Variants in ILRUN observed in about 807,000 individuals in gnomAD.
ILRUN encodes the protein inflammation and lipid regulator with UBA-like and NBR1-like domains.
ILRUN carries 3 observed loss-of-function variants against 33.8 expected under a neutral mutation model. That is an observed-to-expected ratio of 0.09 (90% CI 0.04 to 0.23). ILRUN has a LOEUF of 0.23. ILRUN is among the 10% of genes least tolerant of loss of function. ILRUN has a pLI of 1.00. For missense variants in ILRUN, 210 were observed against 375.1 expected (o/e 0.56, Z 3.64); for synonymous variants, 124 against 138.9 (o/e 0.89, Z 0.75).
chr6:34,661,364 T>C (rs73413808), intron 1 of ILRUN, among the ~76,000 whole-genome samples: 3,557 of 152,272 alleles, frequency 0.023, 103 homozygotes, highest in African/African-American at 0.064. Flanking sequence ...ATGTTAACCA[T>C]TGTGGAATCT....
chr6:34,643,271 C>T (rs1314092139), intron 3 of ILRUN, among the ~76,000 whole-genome samples: 1 of 151,418 alleles, frequency 6.6e-6, no homozygotes, highest in Non-Finnish European at 1.5e-5. Flanking sequence ...TGTACTCCAG[C>T]CTGGGCGACA....
chr6:34,676,480 A>C lies in ILRUN; in HGVS notation c.158+19966T>G, dbSNP rs2814941. 9.4e-3 allele frequency among the ~76,000 whole-genome samples: 1,420 copies of C among 150,402 alleles called. 21 individuals carry two copies. The highest frequency in any genetic ancestry group is 0.035 in the Middle Eastern group (10 of 284). Reference sequence around the variant, plus strand: ...TATAGCTAGCTAGCTAGCTAGCTAGATAGGTAGATATGCAAAGATAGAGAG... The same window carrying C: ...TATAGCTAGCTAGCTAGCTAGCTAGCTAGGTAGATATGCAAAGATAGAGAG... On this transcript the variant is annotated intron_variant, in intron 1 of 4. Transcript: ENST00000374023.
chr6:34,635,397 G>C (rs996934350), intron 3 of ILRUN, among the ~76,000 whole-genome samples: 1 of 151,972 alleles, frequency 6.6e-6, no homozygotes, highest in African/African-American at 2.4e-5. Context: ...GTGTAATGAC[G>C]CGTGCCTGTA....
At chr6:34,691,569 T>C (rs1316318963) in intron 1 of ILRUN, among the ~76,000 whole-genome samples, 2 of 152,006 alleles carry the variant, frequency 1.3e-5, no homozygotes, top group Admixed American at 6.6e-5. Flanking sequence ...CCAAGGTGGG[T>C]GGATCATTTG....
intron 3 of ILRUN, among the ~76,000 whole-genome samples, chr6:34,632,827 C>T (rs1762276318): frequency 6.6e-6 from 1 of 152,004 alleles, no homozygotes; most frequent in Non-Finnish European, 1.5e-5. Flanking sequence ...CCGGCCAGAG[C>T]AAATACATTT....
chr6:34,654,575 A>G, intron 2 of ILRUN, 50 bp downstream of exon 2: 1 of 1,541,116 alleles, frequency 6.5e-7, no homozygotes, highest in Non-Finnish European at 8.8e-7. Context: ...TTATTTAACT[A>G]TTAAGAAAAT....
At chr6:34,637,741 A>G (rs1337552986) in intron 3 of ILRUN, among the ~76,000 whole-genome samples, 1 of 152,208 alleles carries the variant, frequency 6.6e-6, no homozygotes, top group East Asian at 1.9e-4. Context: ...CTGTTTCATC[A>G]GATTTTTAAA....
At chr6:34,631,332 T>C (rs79364410) in intron 3 of ILRUN, among the ~76,000 whole-genome samples, 2 of 133,426 alleles carry the variant, frequency 1.5e-5, no homozygotes, top group Non-Finnish European at 3.1e-5. Context: ...CATTCCCCTC[T>C]TTTTTTTTTT....
chr6:34,658,443 A>G (rs999867458), intron 1 of ILRUN, among the ~76,000 whole-genome samples: 1 of 150,092 alleles, frequency 6.7e-6, no homozygotes, highest in African/African-American at 2.5e-5. Context: ...AAAATGGTAA[A>G]TTTCATGTCA....
chr6:34,652,798 C>T (rs1762695391), intron 2 of ILRUN, among the ~76,000 whole-genome samples: 2 of 152,100 alleles, frequency 1.3e-5, no homozygotes, highest in South Asian at 4.1e-4. Context: ...GACCAGTCAA[C>T]ATAAATTGTC....
intron 3 of ILRUN, among the ~76,000 whole-genome samples, chr6:34,615,533 T>C (rs947410068): frequency 1.3e-5 from 2 of 152,094 alleles, no homozygotes; most frequent in East Asian, 1.9e-4. Flanking sequence ...GAGGGGCAGG[T>C]TGCAGTGAGC....
At chr6:34,603,835 G>A (rs1255773591) in intron 4 of ILRUN, among the ~76,000 whole-genome samples, 1 of 152,092 alleles carries the variant, frequency 6.6e-6, no homozygotes, top group Non-Finnish European at 1.5e-5. Context: ...CCTAATGTAC[G>A]ATGTACACTG....
At chr6:34,642,575 G>T (rs1762493671) in intron 3 of ILRUN, among the ~76,000 whole-genome samples, 1 of 152,100 alleles carries the variant, frequency 6.6e-6, no homozygotes, top group South Asian at 2.1e-4. Flanking sequence ...ACCAAGAGGT[G>T]GAAGTGGGCC....
chr6:34,599,794 C>T (rs1315332217), intron 4 of ILRUN, among the ~76,000 whole-genome samples: 1 of 152,224 alleles, frequency 6.6e-6, no homozygotes, highest in Non-Finnish European at 1.5e-5. Flanking sequence ...AAATATCCAA[C>T]ATATCCAAAA....
At chr6:34,680,230 T>C (rs990270548) in intron 1 of ILRUN, among the ~76,000 whole-genome samples, 2 of 152,362 alleles carry the variant, frequency 1.3e-5, no homozygotes, top group East Asian at 3.9e-4. Flanking sequence ...AATTATTGTA[T>C]TAAATTATAC....
At chr6:34,638,774 T>C (rs1762415238) in intron 3 of ILRUN, among the ~76,000 whole-genome samples, 2 of 152,198 alleles carry the variant, frequency 1.3e-5, no homozygotes, top group South Asian at 2.1e-4. Flanking sequence ...TATTAGAGAA[T>C]TCTAGAGACC....
At position 34,593,817 on chromosome 6, in the gene ILRUN, T is replaced by C. The variant is rs369762521; in HGVS notation, c.862-3217A>G. ...CTAGACTCCCCCACACACAGTATCA[T>C]AGGTGTCTCATGTGGATCACAGAAC... On this transcript the variant is annotated intron_variant, in intron 4 of 4. Transcript: ENST00000374023. 1.8e-4 allele frequency among the ~76,000 whole-genome samples: 27 copies of C among 152,272 alleles called. No individual in the cohort carries two copies. The East Asian group carries it at 4.8e-3, about 27-fold the overall frequency.
At chr6:34,633,439 G>A (rs1174653736) in intron 3 of ILRUN, among the ~76,000 whole-genome samples, 2 of 152,148 alleles carry the variant, frequency 1.3e-5, no homozygotes. Flanking sequence ...CAACTGGATC[G>A]AACTGACATT....
At chr6:34,635,893 A>G (rs190049282) in intron 3 of ILRUN, among the ~76,000 whole-genome samples, 5 of 152,270 alleles carry the variant, frequency 3.3e-5, no homozygotes, top group Admixed American at 3.3e-4. Flanking sequence ...AAGTGCTGGG[A>G]TTACAGGTGT....
Sources: allele counts gnomAD v4.1 joint callset (sites outside exome capture counted in the v4.1 genomes callset), GRCh38; gene constraint gnomAD v4.1.1; transcripts MANE v1.5; gene names NCBI Gene and HGNC (gene_info 2026-07-23, HGNC 2026-07-21).